CEP128: variants seen among roughly 807,000 people sequenced by gnomAD.
CEP128 encodes centrosomal protein 128kDa.
A neutral mutation model predicts 156.7 loss-of-function variants in CEP128; 132 were observed. That is an observed-to-expected ratio of 0.84 (90% CI 0.73 to 0.97). The LOEUF is 0.97. CEP128 is among the 50% of genes least tolerant of loss of function. The probability of loss-of-function intolerance (pLI) is 0.00; values close to 1 mark genes in which losing one functional copy is unlikely to be tolerated. For synonymous variants in CEP128, 469 were observed against 448.9 expected, an observed-to-expected ratio of 1.04 and a Z score of -0.57; for missense variants, 1,252 against 1,281.9, an observed-to-expected ratio of 0.98 and a Z score of 0.36.
At chr14:80,814,993 G>T (rs1884766176) in intron 13 of CEP128, among the ~76,000 whole-genome samples, 1 of 151,926 alleles carries the variant, frequency 6.6e-6, no homozygotes, top group South Asian at 2.1e-4. Flanking sequence ...GAGAGGCAGA[G>T]ATTGTAGTGA....
In CEP128 at chr14:80,656,278, T is replaced by TA. The variant is rs1595162193; in HGVS notation, c.2807-75856_2807-75855insT. Among the ~76,000 whole-genome samples, 32 of 22,778 alleles carry TA rather than the reference T, an allele frequency of 1.4e-3. 6 individuals carry two copies. The highest frequency in any genetic ancestry group is 2.4e-3 in the Non-Finnish European group (28 of 11,908). 14.9% of individuals were successfully genotyped at this position (22,778 alleles called of 152,430 possible). A position where few individuals can be genotyped will look rare whatever the true frequency, so the allele number is the denominator to read the frequency against. On this transcript the variant is annotated intron_variant, in intron 19 of 24. Coordinates refer to ENST00000555265, the MANE Select transcript of CEP128 (RefSeq NM_152446.5). ...ATTTCTCAATAAACCTAAGTTTTTA[T>TA]TTATATATATATTTATATATATATA...
intron 19 of CEP128, among the ~76,000 whole-genome samples, chr14:80,581,891 A>G (rs1891608670): frequency 6.6e-6 from 1 of 152,202 alleles, no homozygotes; most frequent in African/African-American, 2.4e-5. Context: ...GGCCATGCAC[A>G]TCTGCTTCAC....
At chr14:80,646,220 A>T (rs1184957762) in intron 19 of CEP128, among the ~76,000 whole-genome samples, 1 of 152,130 alleles carries the variant, frequency 6.6e-6, no homozygotes. Context: ...GTGTCAATAT[A>T]GGTTTATCGA....
intron 19 of CEP128, among the ~76,000 whole-genome samples, chr14:80,650,932 T>C (rs1424443204): frequency 6.6e-6 from 1 of 152,146 alleles, no homozygotes; most frequent in African/African-American, 2.4e-5. Flanking sequence ...GCTGGCCTCA[T>C]AAAATGAGTT....
chr14:80,688,858 T>C (rs1009537778), intron 19 of CEP128, among the ~76,000 whole-genome samples: 3 of 152,200 alleles, frequency 2.0e-5, no homozygotes, highest in Non-Finnish European at 2.9e-5. Flanking sequence ...ATTTCACCTA[T>C]ACATTCCCTT....
chr14:80,539,158 C>G (rs1889623289), intron 21 of CEP128, among the ~76,000 whole-genome samples: 1 of 151,640 alleles, frequency 6.6e-6, no homozygotes, highest in Admixed American at 6.5e-5. Context: ...TCTCTGTCCT[C>G]AGGAACAGAA....
chr14:80,839,687 T>A (rs74243825), intron 10 of CEP128, among the ~76,000 whole-genome samples: 1 of 152,264 alleles, frequency 6.6e-6, no homozygotes, highest in Admixed American at 6.5e-5. Context: ...TGTTTTACAA[T>A]ATCCTATAAA....
intron 6 of CEP128, among the ~76,000 whole-genome samples, chr14:80,902,700 TCTTA>T (rs1350525834): frequency 6.6e-6 from 1 of 152,174 alleles, no homozygotes. Context: ...GTATGGAATT[TCTTA>T]CTTAGTAGAA....
chr14:80,701,949 T>C (rs1218586818), intron 19 of CEP128, among the ~76,000 whole-genome samples: 4 of 152,162 alleles, frequency 2.6e-5, no homozygotes, highest in Non-Finnish European at 5.9e-5. Context: ...ATGAATACAT[T>C]CTGGTGCTCA....
At chr14:80,730,931 T>C (rs58018370) in intron 19 of CEP128, among the ~76,000 whole-genome samples, 3,879 of 152,260 alleles carry the variant, frequency 0.025, 86 homozygotes, top group African/African-American at 0.052. Context: ...CAAAAAATTA[T>C]AGGTTATCAA....
chr14:80,755,962 T>C (rs1899638939), intron 18 of CEP128, among the ~76,000 whole-genome samples: 1 of 152,236 alleles, frequency 6.6e-6, no homozygotes, highest in Non-Finnish European at 1.5e-5. Context: ...TAAAGAGCTA[T>C]GATTAAGAAT....
chr14:80,880,321 A>T (rs988660504), intron 8 of CEP128, among the ~76,000 whole-genome samples: 6 of 152,188 alleles, frequency 3.9e-5, no homozygotes, highest in African/African-American at 1.4e-4. Flanking sequence ...GCATATAAGG[A>T]AAGTTCCTCA....
At chr14:80,656,315 A>ATTTATATATATATATATATATATATATT (rs1305677623) in intron 19 of CEP128, among the ~76,000 whole-genome samples, 1 of 22,180 alleles carries the variant, frequency 4.5e-5, no homozygotes, top group African/African-American at 2.4e-4. Context: ...ATATATATAT[A>ATTTATATATATATATATATATATATATT]TATATATATA....
At chr14:80,810,100 G>T (rs2139936551) in intron 13 of CEP128, among the ~76,000 whole-genome samples, 1 of 151,896 alleles carries the variant, frequency 6.6e-6, no homozygotes, top group Middle Eastern at 3.4e-3. Flanking sequence ...AAGCTGGGAG[G>T]ATCACGAGGT....
intron 16 of CEP128, among the ~76,000 whole-genome samples, chr14:80,777,643 C>T (rs1595383343): frequency 6.6e-6 from 1 of 152,076 alleles, no homozygotes. Flanking sequence ...TTCTAAATTT[C>T]TATTTTAAGA....
At chr14:80,912,170 TC>T (rs1434469777) in intron 4 of CEP128, among the ~76,000 whole-genome samples, 1 of 150,354 alleles carries the variant, frequency 6.7e-6, no homozygotes, top group Non-Finnish European at 1.5e-5. Context: ...TGAGCTGAGA[TC>T]GCGCCACTGC....
At chr14:80,740,449 TACAC>T (rs58752743) in intron 19 of CEP128, among the ~76,000 whole-genome samples, 27,327 of 146,082 alleles carry the variant, frequency 0.19, 2,937 homozygotes, top group South Asian at 0.31. Context: ...TATATACACA[TACAC>T]ACACACACAC....
chr14:80,573,751 T>C (rs1891243285), intron 20 of CEP128, among the ~76,000 whole-genome samples: 1 of 152,198 alleles, frequency 6.6e-6, no homozygotes, highest in African/African-American at 2.4e-5. Flanking sequence ...GCTAATGCGT[T>C]CTTTCTGGTG....
chr14:80,913,672 G>A (rs1452122503), intron 4 of CEP128, among the ~76,000 whole-genome samples: 1 of 152,000 alleles, frequency 6.6e-6, no homozygotes, highest in Non-Finnish European at 1.5e-5. Flanking sequence ...GACTCAGAAG[G>A]GACGCAAAGG....
Sources: gnomAD v4.1 joint callset for allele counts (sites outside exome capture counted in the v4.1 genomes callset) on GRCh38, gnomAD v4.1.1 for gene constraint, MANE v1.5 for transcripts, NCBI Gene and HGNC (gene_info 2026-07-23, HGNC 2026-07-21) for gene names.